Variants in ZNF30 observed in about 807,000 individuals in gnomAD.
The protein encoded by ZNF30 is zinc finger protein 30 (KOX 28).
In ZNF30, 15 loss-of-function variants were observed where a neutral mutation model predicts 13.2. That is an observed-to-expected ratio of 1.13 (90% CI 0.76 to 1.75). ZNF30 has a LOEUF of 1.75. Among genes scored for constraint, ZNF30 ranks in the 40% most tolerant of loss-of-function variants. The probability of loss-of-function intolerance (pLI) is 0.00; values close to 1 mark genes in which losing one functional copy is unlikely to be tolerated. For synonymous variants in ZNF30, 223 were observed against 256.6 expected, an observed-to-expected ratio of 0.87 and a Z score of 1.25; for missense variants, 726 against 757.0, an observed-to-expected ratio of 0.96 and a Z score of 0.48.
intron 3 of ZNF30, 90 bp from the exon 4 acceptor site, chr19:34,933,538 G>C: frequency 2.2e-6 from 2 of 906,346 alleles, no homozygotes; most frequent in Admixed American, 4.2e-5. Flanking sequence ...AATATCGTTT[G>C]ACCTTTCATT....
At chr19:34,928,207 C>CT (rs1473899911) in intron 1 of ZNF30, among the ~76,000 whole-genome samples, 6 of 47,498 alleles carry the variant, frequency 1.3e-4, no homozygotes, top group Non-Finnish European at 8.3e-5. Context: ...GATCCCTTCT[C>CT]TAAAAAAAAA....
chr19:34,929,059 G>C (rs1162371003), intron 1 of ZNF30, among the ~76,000 whole-genome samples: 1 of 151,978 alleles, frequency 6.6e-6, no homozygotes, highest in East Asian at 2.0e-4. Flanking sequence ...GAGGCGGGCG[G>C]ATCACGAAGT....
chr19:34,943,267 A>G lies in ZNF30; in HGVS notation c.301A>G (p.Thr101Ala). Reference sequence around the variant, plus strand: ...TACAATCGGCTGTAAAGAAATGCCCACCTCTGAAAACTGTCCATCTTTTGC... The same window carrying G: ...TACAATCGGCTGTAAAGAAATGCCCGCCTCTGAAAACTGTCCATCTTTTGC... ...DDTIGCKEMP[T>A]SENCPSFALH... is the part of the protein sequence containing the mutation. Residue 101 changes from threonine to alanine, a missense_variant, in exon 5 of 5, where the codon ACC becomes GCC. Coordinates refer to ENST00000601142, the MANE Select transcript of ZNF30 (RefSeq NM_194325.3). 1 of 1,610,008 alleles carries G rather than the reference A, an allele frequency of 6.2e-7. No homozygotes were observed. The highest frequency in any genetic ancestry group is 2.2e-5 in the East Asian group (1 of 44,806).
chr19:34,936,712 A>G (rs1303056878), intron 4 of ZNF30, among the ~76,000 whole-genome samples: 1 of 152,082 alleles, frequency 6.6e-6, no homozygotes, highest in Non-Finnish European at 1.5e-5. Context: ...CTTGGGCAAC[A>G]TAGGGATATC....
intron 4 of ZNF30, 148 bp from the exon 5 acceptor site, chr19:34,943,075 T>C (rs2013124942): frequency 1.0e-5 from 6 of 578,588 alleles, no homozygotes; most frequent in Non-Finnish European, 1.7e-5. Flanking sequence ...ATCTCTGCAT[T>C]CCTTTTTTTT....
chr19:34,924,589 T>C (rs1419711640), upstream of ZNF30, among the ~76,000 whole-genome samples: 1 of 152,218 alleles, frequency 6.6e-6, no homozygotes, highest in Non-Finnish European at 1.5e-5. Context: ...TGAATGTCTC[T>C]AGTTCCTCCA....
rs1370685897 is a variant in ZNF30, at chr19:34,928,221, ATATATATATATATATATAT to A, written c.-65+1006_-65+1024del. 6.6e-3 allele frequency among the ~76,000 whole-genome samples: 443 copies of A among 66,644 alleles called. 14 individuals carry two copies. The highest frequency in any genetic ancestry group is 9.6e-3 in the Non-Finnish European group (289 of 30,114). 43.7% of individuals were successfully genotyped at this position (66,644 alleles called of 152,430 possible). A position where few individuals can be genotyped will look rare whatever the true frequency, so the allele number is the denominator to read the frequency against. ...AGATCCCTTCTCTAAAAAAAAAAAA[ATATATATATATATATATAT>A]ATATATATATATATAGATAGATAGA... is the stretch of plus-strand genomic sequence containing the variant. On this transcript the variant is annotated intron_variant, in intron 1 of 4. Coordinates refer to ENST00000601142, the MANE Select transcript of ZNF30 (RefSeq NM_194325.3).
Position 34,943,215 on chromosome 19 carries a change from T to C in ZNF30, c.257-8T>C. ...GAAAAATAAGATATTTTTAAAATTT[T>C]CTTTCAGATTTGCAGTTGGAAGATG... On this transcript the variant is annotated splice_region_variant and splice_polypyrimidine_tract_variant and intron_variant, in intron 4 of 4. Transcript: ENST00000601142. 6.9e-7 allele frequency: 1 copy of C among 1,458,280 alleles called. No homozygotes were observed. Among genetic ancestry groups the C allele is most frequent in the Non-Finnish European group, 9.1e-7 (1 of 1,103,272 alleles). The allele number at this position is 1,458,280 out of a possible 1,614,324, so 90.3% of individuals were successfully genotyped here.
At chr19:34,937,600 G>A (rs901686203) in intron 4 of ZNF30, among the ~76,000 whole-genome samples, 1 of 151,906 alleles carries the variant, frequency 6.6e-6, no homozygotes, top group Admixed American at 6.6e-5. Context: ...CAGGCATAGA[G>A]TCATGCCCCT....
chr19:34,932,530 A>G (rs879549535), intron 3 of ZNF30, among the ~76,000 whole-genome samples: 3 of 152,194 alleles, frequency 2.0e-5, no homozygotes, highest in Non-Finnish European at 4.4e-5. Flanking sequence ...TGTTATTAAC[A>G]CACAGCGTGC....
rs1260447662 is a variant in ZNF30, at chr19:34,944,128, G to C, written c.1162G>C (p.Val388Leu). 1 of 1,613,706 alleles carries C rather than the reference G, an allele frequency of 6.2e-7. No homozygotes were observed. Among genetic ancestry groups the C allele is most frequent in the Admixed American group, 1.7e-5 (1 of 59,984 alleles). ...GRTFSRASYL[V>L]QHGRLHTGEK... ...AACCTTCAGTCGTGCCTCATATCTT[G>C]TTCAACATGGAAGACTTCACACTGG... The change falls in exon 5 of 5, where the codon GTT becomes CTT. Residue 388 changes from valine (V) to leucine (L), a missense_variant. Transcript: ENST00000601142.
Position 34,938,224 on chromosome 19 carries a change from G to A in ZNF30, c.256+4501G>A, listed in dbSNP as rs75897904. Among the ~76,000 whole-genome samples, 198 of 152,254 alleles carry A rather than the reference G, an allele frequency of 1.3e-3. 3 individuals carry two copies. In the East Asian group the frequency reaches 0.037, roughly 28 times the overall value. ...CAAGAATGAGCACAGCAGTCCTCTTGAGGCATTTGGTTCTGAAGAGATTTT... is the reference window on the plus strand; with the variant it reads ...CAAGAATGAGCACAGCAGTCCTCTTAAGGCATTTGGTTCTGAAGAGATTTT... On this transcript the variant is annotated intron_variant, in intron 4 of 4. Coordinates refer to ENST00000601142, the MANE Select transcript of ZNF30 (RefSeq NM_194325.3).
chr19:34,924,737 G>A (rs1291532456), upstream of ZNF30, among the ~76,000 whole-genome samples: 1 of 152,180 alleles, frequency 6.6e-6, no homozygotes, highest in Non-Finnish European at 1.5e-5. Context: ...TTTGTCTTCA[G>A]ACATTGTAAT....
At chr19:34,925,958 G>A (rs2012056413), upstream of ZNF30, among the ~76,000 whole-genome samples, 1 of 152,128 alleles carries the variant, frequency 6.6e-6, no homozygotes, top group South Asian at 2.1e-4. Context: ...GATCGCTTGA[G>A]CCCAGGAGTT....
chr19:34,939,189 C>T (rs1390062060), intron 4 of ZNF30, among the ~76,000 whole-genome samples: 1 of 135,954 alleles, frequency 7.4e-6, no homozygotes, highest in Non-Finnish European at 1.6e-5. Context: ...CTCCCCTATC[C>T]TCTTTTCTTT....
intron 4 of ZNF30, among the ~76,000 whole-genome samples, chr19:34,935,675 A>G (rs1046218613): frequency 5.9e-5 from 7 of 119,602 alleles, no homozygotes; most frequent in African/African-American, 2.2e-4. Flanking sequence ...CTCTTCATGT[A>G]GTTTTGTTGT....
intron 4 of ZNF30, chr19:34,942,525 C>A: frequency 1.5e-6 from 1 of 661,550 alleles, no homozygotes; most frequent in Non-Finnish European, 2.1e-6. Context: ...AAGACATGGA[C>A]GTCCTTAGAC....
rs386388919 is a variant in ZNF30, at chr19:34,928,208, TA to T, written c.-65+1005del. On this transcript the variant is annotated intron_variant, in intron 1 of 4. Transcript: ENST00000601142. ...GGGCGACAGAGCGAGATCCCTTCTC[TA>T]AAAAAAAAAAAATATATATATATAT... Among the ~76,000 whole-genome samples, 630 of 70,636 alleles carry T rather than the reference TA, an allele frequency of 8.9e-3. 20 individuals are homozygous for T. Among genetic ancestry groups the T allele is most frequent in the South Asian group, 0.053 (127 of 2,418 alleles). The allele number at this position is 70,636 out of a possible 152,430, so 46.3% of individuals were successfully genotyped here. A position where few individuals can be genotyped will look rare whatever the true frequency, so the allele number is the denominator to read the frequency against.
Position 34,942,814 on chromosome 19 carries a change from G to A in ZNF30, c.257-409G>A, listed in dbSNP as rs1339262935. 5.0e-5 allele frequency: 16 copies of A among 321,458 alleles called. No homozygotes were observed. The East Asian group carries it at 1.4e-3, about 29-fold the overall frequency. 19.9% of individuals were successfully genotyped at this position (321,458 alleles called of 1,614,324 possible). ...TGTGGAAAGATACATGGATTTTAAT[G>A]TAAGCGCCACAAGAAACCCCTAGAA... is the stretch of plus-strand genomic sequence containing the variant. On this transcript the variant is annotated intron_variant, in intron 4 of 4. Transcript: ENST00000601142.
Sources: allele counts gnomAD v4.1 joint callset (sites outside exome capture counted in the v4.1 genomes callset), GRCh38; gene constraint gnomAD v4.1.1; transcripts MANE v1.5; gene names NCBI Gene and HGNC (gene_info 2026-07-23, HGNC 2026-07-21).